The following DLG1 variants were observed in gnomAD, a reference collection of about 807,000 sequenced individuals.
DLG1 encodes disks large homolog 1.
Under a neutral mutation model 123.4 loss-of-function variants are expected in DLG1, and 42 were observed. The observed-to-expected ratio is 0.34, with a 90% CI of 0.27 to 0.44. The LOEUF is 0.44. DLG1 is among the 20% of genes least tolerant of loss of function. The pLI is 1.00. For missense variants in DLG1, 942 were observed against 1,082.6 expected (o/e 0.87, Z 1.82); for synonymous variants, 317 against 356.2 (o/e 0.89, Z 1.24).
chr3:197,269,760 C>T (rs1003327882), intron 4 of DLG1, among the ~76,000 whole-genome samples: 1 of 152,168 alleles, frequency 6.6e-6, no homozygotes, highest in African/African-American at 2.4e-5. Context: ...ATTCATGCTC[C>T]TCTAACATCC....
At chr3:197,118,707 T>A (rs377083100) in intron 12 of DLG1, among the ~76,000 whole-genome samples, 1 of 152,228 alleles carries the variant, frequency 6.6e-6, no homozygotes, top group Non-Finnish European at 1.5e-5. Flanking sequence ...CAATGCTTTT[T>A]CACCAATTTT....
At chr3:197,231,000 A>G (rs557538933) in intron 4 of DLG1, among the ~76,000 whole-genome samples, 1 of 150,300 alleles carries the variant, frequency 6.7e-6, no homozygotes, top group African/African-American at 2.5e-5. Context: ...TAGTTGCTAT[A>G]ACACCTAAGT....
At chr3:197,194,241 CATATTTAA>C (rs1721202394) in intron 5 of DLG1, 176 bp downstream of exon 5, 2 of 354,792 alleles carry the variant, frequency 5.6e-6, no homozygotes, top group Admixed American at 9.6e-5. Context: ...TTATAAAATA[CATATTTAA>C]AAATGTTTTC....
intron 8 of DLG1, among the ~76,000 whole-genome samples, chr3:197,139,427 G>C (rs1158855269): frequency 6.6e-6 from 1 of 152,000 alleles, no homozygotes; most frequent in African/African-American, 2.4e-5. Context: ...AGGCATCAAC[G>C]TCCTTAAAAT....
At chr3:197,297,954 TG>T in intron 1 of DLG1, 1 of 978,480 alleles carries the variant, frequency 1.0e-6, no homozygotes, top group Non-Finnish European at 1.2e-6. Context: ...GGAGCTCCCC[TG>T]GGCCGCCGCA....
intron 13 of DLG1, among the ~76,000 whole-genome samples, chr3:197,106,671 T>C (rs1766615953): frequency 1.3e-5 from 2 of 152,192 alleles, no homozygotes; most frequent in South Asian, 4.1e-4. Flanking sequence ...ATTATTTCTG[T>C]GCACCAAACT....
chr3:197,287,571 A>C (rs894412519), intron 3 of DLG1, among the ~76,000 whole-genome samples: 3 of 152,216 alleles, frequency 2.0e-5, no homozygotes, highest in Non-Finnish European at 4.4e-5. Flanking sequence ...AGTTATTTGC[A>C]ATTTACACGG....
rs1721115650 is a variant in DLG1 at position 197,043,120 on chromosome 3, C to A, written c.*1503G>T. 6.6e-6 allele frequency: 1 copy of A among 152,172 alleles called. No homozygotes were observed. Among genetic ancestry groups the A allele is most frequent in the Non-Finnish European group, 1.5e-5 (1 of 68,038 alleles). The allele number at this position is 152,172 out of a possible 1,614,324, so 9.4% of individuals were successfully genotyped here. A position where few individuals can be genotyped will look rare whatever the true frequency, so the allele number is the denominator to read the frequency against. The stretch of plus-strand genomic sequence containing the variant: ...TTATTAATATGAAGGACCAGAGAAA[C>A]TGATTTGTGAAATAATTTCTACCTT... On this transcript the variant is annotated 3_prime_UTR_variant, in exon 25 of 25. Transcript: ENST00000667157.
At chr3:197,179,206 A>G (rs1281705920) in intron 5 of DLG1, among the ~76,000 whole-genome samples, 1 of 152,158 alleles carries the variant, frequency 6.6e-6, no homozygotes, top group Non-Finnish European at 1.5e-5. Flanking sequence ...GTGACAGGCT[A>G]AAAGGGATTT....
chr3:197,241,008 A>C (rs1382359942), intron 4 of DLG1, among the ~76,000 whole-genome samples: 1 of 152,168 alleles, frequency 6.6e-6, no homozygotes, highest in Non-Finnish European at 1.5e-5. Context: ...ATAATAGAAA[A>C]CTTTCCACAA....
intron 13 of DLG1, among the ~76,000 whole-genome samples, chr3:197,105,829 A>T (rs1270160697): frequency 6.6e-6 from 1 of 152,124 alleles, no homozygotes; most frequent in Non-Finnish European, 1.5e-5. Flanking sequence ...ATACCGAATT[A>T]AAAAAAATTA....
At chr3:197,265,981 C>T (rs948362360) in intron 4 of DLG1, among the ~76,000 whole-genome samples, 3 of 152,094 alleles carry the variant, frequency 2.0e-5, no homozygotes, top group Non-Finnish European at 4.4e-5. Context: ...ACCCAGGAAG[C>T]GGAGGTTGCA....
chr3:197,052,760 T>C (rs932030819), intron 23 of DLG1, among the ~76,000 whole-genome samples: 3 of 151,998 alleles, frequency 2.0e-5, no homozygotes, highest in African/African-American at 7.3e-5. Flanking sequence ...GCAGAAGAAA[T>C]GACCTGGTTT....
intron 6 of DLG1, among the ~76,000 whole-genome samples, chr3:197,144,902 A>C (rs1789932239): frequency 1.3e-5 from 2 of 152,172 alleles, no homozygotes; most frequent in Non-Finnish European, 2.9e-5. Context: ...TTGCAGCCTC[A>C]AACTCCTGGA....
intron 11 of DLG1, among the ~76,000 whole-genome samples, chr3:197,129,843 T>C (rs756646052): frequency 1.3e-5 from 2 of 152,122 alleles, no homozygotes; most frequent in Non-Finnish European, 1.5e-5. Context: ...AACACACACA[T>C]TTATCTATTA....
At chr3:197,113,808 A>G (rs563000512) in intron 13 of DLG1, among the ~76,000 whole-genome samples, 6 of 152,266 alleles carry the variant, frequency 3.9e-5, no homozygotes, top group East Asian at 1.9e-4. Context: ...TAGGTAAGGT[A>G]TAGATAAGAT....
chr3:197,124,561 A>G (rs922534312), intron 11 of DLG1, among the ~76,000 whole-genome samples: 4 of 151,872 alleles, frequency 2.6e-5, no homozygotes, highest in African/African-American at 9.7e-5. Context: ...GGCGTGAGCC[A>G]CCGTGCCTGG....
chr3:197,189,340 T>A (rs1046920023), intron 5 of DLG1, among the ~76,000 whole-genome samples: 2 of 152,222 alleles, frequency 1.3e-5, no homozygotes, highest in Admixed American at 1.3e-4. Flanking sequence ...TTTAAATTTT[T>A]AAAAACTTGA....
At chr3:197,216,538 G>A (rs1015598016) in intron 4 of DLG1, among the ~76,000 whole-genome samples, 1 of 152,186 alleles carries the variant, frequency 6.6e-6, no homozygotes, top group Admixed American at 6.5e-5. Flanking sequence ...CCACCAACAA[G>A]TTGTGACAAT....
Sources: gnomAD v4.1 joint callset for allele counts (sites outside exome capture counted in the v4.1 genomes callset) on GRCh38, gnomAD v4.1.1 for gene constraint, MANE v1.5 for transcripts, NCBI Gene and HGNC (gene_info 2026-07-23, HGNC 2026-07-21) for gene names.